Variants in ZNF469 observed in about 807,000 individuals in gnomAD.
ZNF469 encodes the protein zinc finger protein 469.
A neutral mutation model predicts 1.0 loss-of-function variants in ZNF469; 1 was observed. The observed-to-expected ratio is 1.00, with a 90% CI of 0.35 to 4.73. The LOEUF (loss-of-function observed/expected upper bound fraction) is 4.73, where lower values mean the gene tolerates loss of function less well. ZNF469 is among the 30% of genes most tolerant of loss of function. ZNF469 has a pLI of 0.16. For missense variants in ZNF469, 6,100 were observed against 5,356.3 expected (o/e 1.14, Z -4.33); for synonymous variants, 2,703 against 2,363.4 (o/e 1.14, Z -4.17).
chr16:88,141,187 T>C, the ZNF469 span, among the ~76,000 whole-genome samples: 1 of 152,244 alleles, frequency 6.6e-6, no homozygotes, highest in Non-Finnish European at 1.5e-5. Flanking sequence ...AGAATAGTTG[T>C]ATAATTCTGG....
chr16:88,317,947 A>G, the ZNF469 span, among the ~76,000 whole-genome samples: 1 of 152,180 alleles, frequency 6.6e-6, no homozygotes, highest in African/African-American at 2.4e-5. Context: ...TGGTGGGGTG[A>G]GGTCCCCGTG....
intron 1 of ZNF469, among the ~76,000 whole-genome samples, chr16:88,417,133 C>A (rs559389493): frequency 5.9e-5 from 9 of 152,312 alleles, no homozygotes; most frequent in Non-Finnish European, 8.8e-5. Context: ...GGGCCTCCCC[C>A]AGGAGGCCGA....
chr16:88,351,702 G>A, the ZNF469 span, among the ~76,000 whole-genome samples: 5 of 140,682 alleles, frequency 3.6e-5, no homozygotes, highest in Non-Finnish European at 7.6e-5. Context: ...CACCCCCACC[G>A]CCGGCAGCAG....
the ZNF469 span, among the ~76,000 whole-genome samples, chr16:88,292,471 G>A: frequency 1.3e-5 from 2 of 152,184 alleles, no homozygotes; most frequent in East Asian, 1.9e-4. Context: ...CAGGGCCCCA[G>A]TGGGGTCCGG....
At chr16:88,285,308 A>G in the ZNF469 span, among the ~76,000 whole-genome samples, 1 of 152,240 alleles carries the variant, frequency 6.6e-6, no homozygotes, top group African/African-American at 2.4e-5. Context: ...CCCTCAGGAG[A>G]GAGTTCTGAG....
chr16:88,148,099 G>A, the ZNF469 span, among the ~76,000 whole-genome samples: 1 of 151,988 alleles, frequency 6.6e-6, no homozygotes, highest in African/African-American at 2.4e-5. Flanking sequence ...AGCTTCCTTC[G>A]TCGTTGTGTG....
the ZNF469 span, among the ~76,000 whole-genome samples, chr16:88,305,181 G>A: frequency 6.6e-6 from 1 of 152,160 alleles, no homozygotes; most frequent in Non-Finnish European, 1.5e-5. Context: ...CACACTGAGG[G>A]GATGTCTGCA....
chr16:88,142,066 T>C, the ZNF469 span, among the ~76,000 whole-genome samples: 1 of 152,108 alleles, frequency 6.6e-6, no homozygotes, highest in African/African-American at 2.4e-5. Flanking sequence ...ATGCAGATGA[T>C]AGGAAATAGT....
At chr16:88,114,924 T>C in the ZNF469 span, among the ~76,000 whole-genome samples, 1 of 150,732 alleles carries the variant, frequency 6.6e-6, no homozygotes, top group Non-Finnish European at 1.5e-5. Context: ...GTCTTCTCAG[T>C]CTGTAAAAAA....
the ZNF469 span, among the ~76,000 whole-genome samples, chr16:88,263,862 G>A: frequency 6.6e-6 from 1 of 152,066 alleles, no homozygotes; most frequent in Admixed American, 6.5e-5. Flanking sequence ...CCGGGCAGAG[G>A]CCGCCTTCCT....
chr16:88,387,280 C>T (rs1031893503), intron 1 of ZNF469, among the ~76,000 whole-genome samples: 16 of 152,190 alleles, frequency 1.1e-4, no homozygotes, highest in Non-Finnish European at 1.9e-4. Flanking sequence ...TGCTATCGGC[C>T]GTCCAGCCCC....
chr16:88,159,669 C>G, the ZNF469 span, among the ~76,000 whole-genome samples: 4 of 152,116 alleles, frequency 2.6e-5, no homozygotes, highest in Non-Finnish European at 5.9e-5. Flanking sequence ...TCATCAAAGC[C>G]TCTAAGTGTT....
the ZNF469 span, among the ~76,000 whole-genome samples, chr16:88,265,603 G>C: frequency 5.3e-5 from 8 of 152,304 alleles, no homozygotes; most frequent in South Asian, 1.5e-3. Flanking sequence ...GAGCCACACC[G>C]TGTGGCTGGG....
chr16:88,419,684 C>G (rs1905401022), intron 1 of ZNF469, among the ~76,000 whole-genome samples: 1 of 152,208 alleles, frequency 6.6e-6, no homozygotes. Context: ...GCACTCCACC[C>G]CTCCTCAACG....
chr16:88,274,092 C>G, the ZNF469 span, among the ~76,000 whole-genome samples: 1 of 152,184 alleles, frequency 6.6e-6, no homozygotes, highest in African/African-American at 2.4e-5. Context: ...CGTGAGCCAC[C>G]GCGCCTGGCC....
the ZNF469 span, among the ~76,000 whole-genome samples, chr16:88,148,407 G>C: frequency 9.2e-5 from 14 of 152,288 alleles, no homozygotes; most frequent in African/African-American, 3.4e-4. Flanking sequence ...GAGCGGAGTT[G>C]GCCCTGGCGC....
the ZNF469 span, among the ~76,000 whole-genome samples, chr16:88,237,771 T>G: frequency 0.011 from 644 of 57,188 alleles, 14 homozygotes; most frequent in Non-Finnish European, 0.016. Context: ...CTCCTGCCAC[T>G]CACCCTCCCT....
chr16:88,277,022 C>T, the ZNF469 span, among the ~76,000 whole-genome samples: 133 of 152,100 alleles, frequency 8.7e-4, no homozygotes, highest in African/African-American at 2.8e-3. Context: ...GCCACGCTGA[C>T]GCTTGGTCAG....
rs2142313623 is a variant in ZNF469, at chr16:88,436,657, C to T, written c.9187C>T (p.Pro3063Ser). The change falls in exon 3 of 3, where the codon CCC (proline) becomes TCC (serine). Residue 3063 changes from proline (P) to serine (S), a missense_variant. Coordinates refer to ENST00000565624, the MANE Select transcript of ZNF469 (RefSeq NM_001367624.2). ...GATGCAAGACCTGTGCTTTCTGGGACCCTTTGAAGACCCCGTGGGTCTCCC... is the reference window on the plus strand; with the variant it reads ...GATGCAAGACCTGTGCTTTCTGGGATCCTTTGAAGACCCCGTGGGTCTCCC... Reference protein sequence around the residue: ...FEMQDLCFLGPFEDPVGLPGP... With the variant: ...FEMQDLCFLGSFEDPVGLPGP... The T allele has an allele frequency of 6.5e-7, 1 of 1,550,350 alleles. No homozygotes were observed. Among genetic ancestry groups the T allele is most frequent in the African/African-American group, 1.4e-5 (1 of 73,172 alleles).
Sources: allele counts gnomAD v4.1 joint callset (sites outside exome capture counted in the v4.1 genomes callset), GRCh38; gene constraint gnomAD v4.1.1; transcripts MANE v1.5; gene names NCBI Gene and HGNC (gene_info 2026-07-23, HGNC 2026-07-21).